Variants in SPSB4 observed in about 807,000 individuals in gnomAD.
SPSB4 encodes SPRY domain-containing SOCS box protein 4.
In SPSB4, 21 loss-of-function variants were observed where a neutral mutation model predicts 20.9. The ratio of observed to expected loss-of-function variants is 1.01; its 90% confidence interval spans 0.71 to 1.45. The LOEUF (loss-of-function observed/expected upper bound fraction) is 1.45. SPSB4 is among the 40% of genes most tolerant of loss of function. SPSB4 has a pLI of 0.00. For missense variants in SPSB4, 399 were observed against 399.2 expected (o/e 1.00, Z 0.00); for synonymous variants, 207 against 183.8 (o/e 1.13, Z -1.02).
chr3:141,091,464 C>T (rs1938448282), intron 2 of SPSB4, among the ~76,000 whole-genome samples: 3 of 152,202 alleles, frequency 2.0e-5, no homozygotes, highest in Admixed American at 6.5e-5. Context: ...CTTATAAGTG[C>T]TTTTCAACTT....
intron 2 of SPSB4, among the ~76,000 whole-genome samples, chr3:141,111,867 G>A (rs375977267): frequency 2.0e-5 from 3 of 152,000 alleles, no homozygotes; most frequent in Non-Finnish European, 4.4e-5. Context: ...TCTCAGGATC[G>A]TGGAACCCAA....
chr3:141,137,152 G>A (rs974753822), intron 2 of SPSB4, among the ~76,000 whole-genome samples: 34 of 152,072 alleles, frequency 2.2e-4, no homozygotes, highest in African/African-American at 7.2e-4. Context: ...GTCTGTTATT[G>A]GTGTATAAGA....
chr3:141,097,917 A>C (rs1463219686), intron 2 of SPSB4, among the ~76,000 whole-genome samples: 1 of 152,222 alleles, frequency 6.6e-6, no homozygotes, highest in Non-Finnish European at 1.5e-5. Flanking sequence ...TAGTCTGAGC[A>C]GTTTACATAC....
intron 2 of SPSB4, among the ~76,000 whole-genome samples, chr3:141,075,427 G>A (rs1348393332): frequency 2.6e-5 from 4 of 152,108 alleles, no homozygotes; most frequent in Admixed American, 1.3e-4. Context: ...TAGTACCTGC[G>A]TGACCTGGGC....
At chr3:141,074,364 A>G (rs530321466) in intron 2 of SPSB4, among the ~76,000 whole-genome samples, 1 of 152,374 alleles carries the variant, frequency 6.6e-6, no homozygotes, top group East Asian at 1.9e-4. Flanking sequence ...AAAATGGCTA[A>G]TTATGACTAT....
In SPSB4 at chr3:141,066,710, A is replaced by T. The variant is rs1166870409; in HGVS notation, c.606A>T (p.Arg202=). ...VDGQYLGVAF[R]GLKGKKLYPV... ...GCCAGTACCTGGGCGTGGCCTTCCGAGGTCTCAAGGGCAAGAAGCTGTACC... is the reference window on the plus strand; with the variant it reads ...GCCAGTACCTGGGCGTGGCCTTCCGTGGTCTCAAGGGCAAGAAGCTGTACC... The change falls in exon 2 of 3, where the codon CGA becomes CGT. Residue 202 remains arginine (R), a synonymous_variant. Transcript: ENST00000310546. 6.2e-7 allele frequency: 1 copy of T among 1,611,964 alleles called. No individual in the cohort carries two copies. The highest frequency in any genetic ancestry group is 1.3e-5 in the African/African-American group (1 of 74,902).
At chr3:141,135,174 A>T (rs1939205223) in intron 2 of SPSB4, among the ~76,000 whole-genome samples, 1 of 152,000 alleles carries the variant, frequency 6.6e-6, no homozygotes, top group East Asian at 1.9e-4. Context: ...AGTTGAGTAA[A>T]ATATAATTGT....
chr3:141,065,267 G>A (rs1937841599), intron 1 of SPSB4, among the ~76,000 whole-genome samples: 2 of 152,150 alleles, frequency 1.3e-5, no homozygotes, highest in Non-Finnish European at 1.5e-5. Flanking sequence ...TTCCCATGGA[G>A]CTCTCACCCC....
intron 2 of SPSB4, among the ~76,000 whole-genome samples, chr3:141,067,166 G>A (rs937598012): frequency 6.6e-6 from 1 of 152,190 alleles, no homozygotes; most frequent in African/African-American, 2.4e-5. Flanking sequence ...TCTGTACAAA[G>A]GTTGTACCAA....
chr3:141,076,657 TG>T (rs1470992724), intron 2 of SPSB4, among the ~76,000 whole-genome samples: 1 of 152,158 alleles, frequency 6.6e-6, no homozygotes, highest in African/African-American at 2.4e-5. Context: ...AGCAGTTGCT[TG>T]GGGGGTGTCT....
chr3:141,129,853 T>A (rs1359063606), intron 2 of SPSB4, among the ~76,000 whole-genome samples: 2 of 152,252 alleles, frequency 1.3e-5, no homozygotes, highest in East Asian at 3.8e-4. Flanking sequence ...TGTGCAACAC[T>A]CCTCTGCACA....
intron 2 of SPSB4, among the ~76,000 whole-genome samples, chr3:141,107,962 A>T (rs371422839): frequency 0.012 from 1,475 of 121,586 alleles, 29 homozygotes; most frequent in African/African-American, 0.046. Flanking sequence ...CTTAAAAAAA[A>T]AAATAAAATA....
chr3:141,092,565 C>T (rs1372903949), intron 2 of SPSB4, among the ~76,000 whole-genome samples: 2 of 152,208 alleles, frequency 1.3e-5, no homozygotes, highest in Non-Finnish European at 2.9e-5. Context: ...GCCAGAATAA[C>T]TCTGGGCAGC....
intron 2 of SPSB4, among the ~76,000 whole-genome samples, chr3:141,134,412 C>G (rs1388595075): frequency 6.6e-6 from 1 of 152,114 alleles, no homozygotes; most frequent in Non-Finnish European, 1.5e-5. Flanking sequence ...AGGGGGAATG[C>G]TTTCAACTTT....
chr3:141,104,941 C>A (rs909096364), intron 2 of SPSB4, among the ~76,000 whole-genome samples: 3 of 152,128 alleles, frequency 2.0e-5, no homozygotes, highest in African/African-American at 7.2e-5. Context: ...GGAGTACACC[C>A]AAGATCCCAC....
At chr3:141,075,138 T>TA (rs1398813196) in intron 2 of SPSB4, among the ~76,000 whole-genome samples, 2 of 152,012 alleles carry the variant, frequency 1.3e-5, no homozygotes, top group African/African-American at 4.8e-5. Flanking sequence ...TCTGAGTCCG[T>TA]ATTGAAAAAC....
chr3:141,068,179 G>A (rs1324947151), intron 2 of SPSB4, among the ~76,000 whole-genome samples: 1 of 152,212 alleles, frequency 6.6e-6, no homozygotes, highest in Non-Finnish European at 1.5e-5. Flanking sequence ...TGGAAAAGTG[G>A]CTGCTGGTAT....
intron 2 of SPSB4, among the ~76,000 whole-genome samples, chr3:141,136,777 G>T (rs1300885212): frequency 6.6e-6 from 1 of 152,182 alleles, no homozygotes; most frequent in East Asian, 1.9e-4. Flanking sequence ...GTAGCGTGAT[G>T]CCTCCAGCTT....
intron 2 of SPSB4, among the ~76,000 whole-genome samples, chr3:141,130,461 C>G (rs550014734): frequency 1.3e-5 from 2 of 152,350 alleles, no homozygotes; most frequent in Admixed American, 6.5e-5. Context: ...CTCCTCATTT[C>G]ATTCCCTGAA....
Sources: gnomAD v4.1 joint callset for allele counts (sites outside exome capture counted in the v4.1 genomes callset) on GRCh38, gnomAD v4.1.1 for gene constraint, MANE v1.5 for transcripts, NCBI Gene and HGNC (gene_info 2026-07-23, HGNC 2026-07-21) for gene names.